Variants in EPB41L3 observed in about 807,000 individuals in gnomAD.
EPB41L3 encodes the protein band 4.1-like protein 3.
A neutral mutation model predicts 127.1 loss-of-function variants in EPB41L3; 57 were observed. That is an observed-to-expected ratio of 0.45 (90% CI 0.36 to 0.56). The LOEUF (loss-of-function observed/expected upper bound fraction) is 0.56, where lower values mean the gene tolerates loss of function less well. EPB41L3 is among the 20% of genes least tolerant of loss of function. The pLI is 0.00. For missense variants in EPB41L3, 1,273 were observed against 1,372.2 expected (o/e 0.93, Z 1.14); for synonymous variants, 572 against 549.5 (o/e 1.04, Z -0.57).
rs1598418992 is a variant in EPB41L3, at chr18:5,397,150, C to T, written c.2749G>A (p.Glu917Lys). ...TCACGGGAAGCAGCGGCTGTCTCTTCCTGTTCCAGGACAGCTTTAGCGACC... is the reference window on the plus strand; with the variant it reads ...TCACGGGAAGCAGCGGCTGTCTCTTTCTGTTCCAGGACAGCTTTAGCGACC... ...EEVAKAVLEQEETAAASRERQ... is the reference protein window; with the variant it reads ...EEVAKAVLEQKETAAASRERQ... Residue 917 changes from glutamate to lysine, a missense_variant, in exon 18 of 23, where the codon GAA becomes AAA. Coordinates refer to ENST00000341928, the MANE Select transcript of EPB41L3 (RefSeq NM_012307.5). The surrounding 1 kb of genome is among the most constrained non-coding windows in gnomAD (Gnocchi z 4.1). 6.2e-7 allele frequency: 1 copy of T among 1,614,214 alleles called. No homozygotes were observed. Among genetic ancestry groups the T allele is most frequent in the Non-Finnish European group, 8.5e-7 (1 of 1,180,042 alleles).
chr18:5,475,806 T>G (rs1228461194), intron 3 of EPB41L3, among the ~76,000 whole-genome samples: 1 of 152,218 alleles, frequency 6.6e-6, no homozygotes, highest in East Asian at 1.9e-4. Context: ...GGCATCAATC[T>G]CTTTAAATAA....
chr18:5,430,728 ATT>A (rs34910794), intron 8 of EPB41L3, among the ~76,000 whole-genome samples: 8 of 135,134 alleles, frequency 5.9e-5, no homozygotes, highest in Admixed American at 7.4e-5. Flanking sequence ...CACACTCGAC[ATT>A]TTTTTTTTTT....
chr18:5,597,500 A>T (rs2094548417), intron 3 of EPB41L3, among the ~76,000 whole-genome samples: 1 of 152,130 alleles, frequency 6.6e-6, no homozygotes, highest in African/African-American at 2.4e-5. Context: ...TCCCAATCCC[A>T]TGGTAACTGT....
intron 16 of EPB41L3, chr18:5,401,064 G>A: frequency 6.7e-7 from 1 of 1,499,954 alleles, no homozygotes; most frequent in Non-Finnish European, 9.0e-7. Context: ...AAAGGGGGTT[G>A]GGTTGGAGAA....
At chr18:5,488,718 T>G (rs942119464) in intron 2 of EPB41L3, 18 of 364,374 alleles carry the variant, frequency 4.9e-5, no homozygotes, top group African/African-American at 8.5e-5. Flanking sequence ...AGCTCTCAGT[T>G]TGGTGTCTAT....
intron 2 of EPB41L3, chr18:5,479,862 G>T (rs1357781141): frequency 6.6e-6 from 1 of 152,112 alleles, no homozygotes; most frequent in Non-Finnish European, 1.5e-5. Context: ...AATAGTAAGT[G>T]CAAGAAAATC....
chr18:5,520,856 T>C (rs1292895062), intron 1 of EPB41L3, among the ~76,000 whole-genome samples: 2 of 152,180 alleles, frequency 1.3e-5, no homozygotes, highest in African/African-American at 4.8e-5. Context: ...GGCCTTTCAG[T>C]TTTAATACAA....
chr18:5,577,327 T>G (rs2094345997), intron 3 of EPB41L3: 1 of 452,478 alleles, frequency 2.2e-6, no homozygotes, highest in Non-Finnish European at 4.4e-6. Context: ...CCGAAAATTT[T>G]ACCTCCAAAT....
rs748416389 is a variant in EPB41L3, at chr18:5,433,948, G to A, written c.779C>T (p.Thr260Ile). Residue 260 changes from threonine (T) to isoleucine (I), a missense_variant, in exon 7 of 23, where the codon ACT becomes ATT. By Grantham distance (89) the Thr-to-Ile change is moderately conservative. This residue lies in a region of EPB41L3 where 326 missense variants were observed against 440.2 expected (regional missense o/e 0.74). Coordinates refer to ENST00000341928, the MANE Select transcript of EPB41L3 (RefSeq NM_012307.5). Reference protein sequence around the residue: ...ISEFRFAPNHTKELEDKVIEL... With the variant: ...ISEFRFAPNHIKELEDKVIEL... The stretch of plus-strand genomic sequence containing the variant: ...GATCACTTTGTCTTCCAGTTCTTTA[G>A]TGTGGTTTGGTGCAAAGCGGAACTC... 6.2e-7 allele frequency: 1 copy of A among 1,614,186 alleles called. No individual in the cohort carries two copies. The highest frequency in any genetic ancestry group is 1.7e-5 in the Admixed American group (1 of 60,014).
chr18:5,534,298 G>A (rs922922393), intron 1 of EPB41L3, among the ~76,000 whole-genome samples: 4 of 152,134 alleles, frequency 2.6e-5, no homozygotes, highest in South Asian at 2.1e-4. Context: ...CAGGTTAAAC[G>A]CTCATTTGAC....
chr18:5,568,782 A>T (rs1260106829), intron 3 of EPB41L3, among the ~76,000 whole-genome samples: 2 of 152,186 alleles, frequency 1.3e-5, no homozygotes, highest in African/African-American at 2.4e-5. Flanking sequence ...CGAATTTAGA[A>T]GTTGTTGCAG....
At chr18:5,459,862 C>T (rs761801626) in intron 3 of EPB41L3, among the ~76,000 whole-genome samples, 2 of 152,148 alleles carry the variant, frequency 1.3e-5, no homozygotes, top group South Asian at 4.1e-4. Flanking sequence ...GCAGACTATA[C>T]AAAATTATCT....
At chr18:5,582,891 T>C (rs1483936082) in intron 3 of EPB41L3, among the ~76,000 whole-genome samples, 2 of 152,204 alleles carry the variant, frequency 1.3e-5, no homozygotes, top group African/African-American at 4.8e-5. Flanking sequence ...CAGTGAGGCA[T>C]GCCCGGGAGT....
intron 3 of EPB41L3, among the ~76,000 whole-genome samples, chr18:5,555,064 A>G (rs573098690): frequency 3.0e-4 from 45 of 152,328 alleles, no homozygotes; most frequent in African/African-American, 1.0e-3. Flanking sequence ...CATGCCCACT[A>G]AAGATGAGTG....
intron 12 of EPB41L3, among the ~76,000 whole-genome samples, chr18:5,419,056 C>T (rs1012616378): frequency 4.6e-5 from 7 of 151,798 alleles, no homozygotes; most frequent in Non-Finnish European, 1.0e-4. Context: ...GCTGGATCAC[C>T]AGAAAAAAAC....
intron 8 of EPB41L3, among the ~76,000 whole-genome samples, chr18:5,431,687 T>G (rs1185427995): frequency 2.0e-5 from 3 of 152,194 alleles, no homozygotes; most frequent in Non-Finnish European, 4.4e-5. Flanking sequence ...AGAATCAAAG[T>G]GTGTGATGTA....
chr18:5,398,576 G>C (rs1177140253), intron 16 of EPB41L3: 1 of 402,964 alleles, frequency 2.5e-6, no homozygotes, highest in East Asian at 3.5e-5. Flanking sequence ...GAAAGGTTTG[G>C]GGTGGAAGGG....
Position 5,392,978 on chromosome 18 carries a change from C to T in EPB41L3, c.*507G>A, listed in dbSNP as rs1428625145. 1 of 153,010 alleles carries T rather than the reference C, an allele frequency of 6.5e-6. No homozygotes were observed. Among genetic ancestry groups the T allele is most frequent in the African/African-American group, 2.4e-5 (1 of 41,438 alleles). 9.5% of individuals were successfully genotyped at this position (153,010 alleles called of 1,614,324 possible). A position where few individuals can be genotyped will look rare whatever the true frequency, so the allele number is the denominator to read the frequency against. Reference sequence around the variant, plus strand: ...AAGTACAAGTTGTTTACTGAATAAACTTGGTTATTGGCACATCTAATCTGA... The same window carrying T: ...AAGTACAAGTTGTTTACTGAATAAATTTGGTTATTGGCACATCTAATCTGA... On this transcript the variant is annotated 3_prime_UTR_variant, in exon 23 of 23. Transcript: ENST00000341928.
intron 1 of EPB41L3, among the ~76,000 whole-genome samples, chr18:5,533,220 C>T (rs995098824): frequency 1.3e-4 from 20 of 152,172 alleles, no homozygotes; most frequent in Non-Finnish European, 2.5e-4. Context: ...CGCCAAGACA[C>T]GGCCATGCTG....
Sources: gnomAD v4.1 joint callset for allele counts (sites outside exome capture counted in the v4.1 genomes callset) on GRCh38, gnomAD v4.1.1 for gene constraint, gnomAD v4.1.1 regional missense constraint, Gnocchi (gnomAD v3.1) non-coding constraint, MANE v1.5 for transcripts, NCBI Gene and HGNC (gene_info 2026-07-23, HGNC 2026-07-21) for gene names.